Variants in OC90 observed in about 807,000 individuals in gnomAD.
The protein encoded by OC90 is otoconin-90.
A neutral mutation model predicts 47.3 loss-of-function variants in OC90; 46 were observed. That is an observed-to-expected ratio of 0.97 (90% confidence interval 0.77 to 1.24). OC90 has a LOEUF of 1.24. Ranked by LOEUF, OC90 falls within the 50% of genes most tolerant of loss-of-function variation. The pLI is 0.00. For synonymous variants in OC90, 271 were observed against 219.5 expected, an observed-to-expected ratio of 1.23 and a Z score of -2.07; for missense variants, 688 against 583.9, an observed-to-expected ratio of 1.18 and a Z score of -1.84.
chr8:132,053,226 T>C (rs927765356), intron 2 of OC90, among the ~76,000 whole-genome samples: 1 of 152,176 alleles, frequency 6.6e-6, no homozygotes, highest in African/African-American at 2.4e-5. Context: ...CAGACATCCT[T>C]CTCTCATTGC....
chr8:132,024,494 A>G lies in OC90; in HGVS notation c.1421T>C (p.Leu474Pro), dbSNP rs758639553. ...TTCTCTGGGCATCTATCTTCCATGAAGAGGCCCGATCCCCAAGGGACCCAG... is the reference window on the plus strand; with the variant it reads ...TTCTCTGGGCATCTATCTTCCATGAGGAGGCCCGATCCCCAAGGGACCCAG... ...KSLGPLGIGP[L>P]HGR is the part of the protein sequence containing the mutation. The change falls in exon 14 of 14, where the codon CTT becomes CCT. Residue 474 changes from leucine to proline, a missense_variant. Leu to Pro is a moderately conservative substitution (Grantham distance 98). Transcript: ENST00000254627. 2 of 1,555,202 alleles carry G rather than the reference A, an allele frequency of 1.3e-6. No homozygotes were observed. The highest frequency in any genetic ancestry group is 1.7e-6 in the Non-Finnish European group (2 of 1,149,770).
At chr8:132,048,546 T>C (rs1823168184) in intron 2 of OC90, among the ~76,000 whole-genome samples, 1 of 151,438 alleles carries the variant, frequency 6.6e-6, no homozygotes, top group African/African-American at 2.5e-5. Context: ...AAAACCCTTG[T>C]CCTCTAATGA....
intron 6 of OC90, among the ~76,000 whole-genome samples, chr8:132,040,521 T>C (rs1395232779): frequency 1.3e-5 from 2 of 152,186 alleles, no homozygotes; most frequent in Admixed American, 1.3e-4. Context: ...TTTGAACCTA[T>C]GTGTTTCTGA....
chr8:132,029,234 C>T lies in OC90; in HGVS notation c.1032-55G>A. On this transcript the variant is annotated intron_variant, in intron 12 of 13. Coordinates refer to ENST00000254627, the MANE Select transcript of OC90 (RefSeq NM_001080399.3). ...AGAGCTCCTGGCTTCCCTAGGAACC[C>T]CCTCAAGCACAGCCTGCTTCTCCCA... 3 of 1,354,336 alleles carry T rather than the reference C, an allele frequency of 2.2e-6. No homozygotes were observed. In the Admixed American group the frequency reaches 5.0e-5, roughly 23 times the overall value. The allele number at this position is 1,354,336 out of a possible 1,614,324, so 83.9% of individuals were successfully genotyped here.
At chr8:132,042,719 A>G (rs1260945212) in intron 4 of OC90, among the ~76,000 whole-genome samples, 1 of 152,234 alleles carries the variant, frequency 6.6e-6, no homozygotes, top group Non-Finnish European at 1.5e-5. Context: ...ACAACGAGAC[A>G]CCATCTCACA....
chr8:132,025,103 T>C (rs1206380124), intron 13 of OC90, among the ~76,000 whole-genome samples: 2 of 152,242 alleles, frequency 1.3e-5, no homozygotes, highest in Non-Finnish European at 2.9e-5. Context: ...TGTTTTTTTC[T>C]ATCACTGCAG....
chr8:132,035,448 G>A (rs1822943807), intron 9 of OC90, among the ~76,000 whole-genome samples: 1 of 152,166 alleles, frequency 6.6e-6, no homozygotes, highest in Non-Finnish European at 1.5e-5. Context: ...CTAGGAGGCG[G>A]CTGCAAACCC....
intron 2 of OC90, 106 bp from the exon 3 acceptor site, chr8:132,045,989 A>G: frequency 1.4e-6 from 1 of 695,288 alleles, no homozygotes; most frequent in Non-Finnish European, 2.6e-6. Context: ...GAATTCACAT[A>G]AATTCAATTC....
chr8:132,032,085 G>T, intron 11 of OC90, 33 bp from the exon 12 acceptor site: 1 of 1,601,224 alleles, frequency 6.2e-7, no homozygotes, highest in South Asian at 1.1e-5. Context: ...GGAGAGCAAG[G>T]ACTGTCGGGG....
In OC90 at chr8:132,024,889, C is replaced by A. The variant is rs1221271251; in HGVS notation, c.1139-113G>T. 7 of 859,044 alleles carry A rather than the reference C, an allele frequency of 8.1e-6. No individual in the cohort carries two copies. The East Asian group carries it at 1.9e-4, about 23-fold the overall frequency. The allele number at this position is 859,044 out of a possible 1,614,324, so 53.2% of individuals were successfully genotyped here. On this transcript the variant is annotated intron_variant, in intron 13 of 13. Coordinates refer to ENST00000254627, the MANE Select transcript of OC90 (RefSeq NM_001080399.3). ...CTCCTTCCTCCCCATCTTCCACACACCTTCAGGGTATCCACCTTATATGGC... is the reference window on the plus strand; with the variant it reads ...CTCCTTCCTCCCCATCTTCCACACAACTTCAGGGTATCCACCTTATATGGC...
In OC90 at chr8:132,055,040, A is replaced by G; in HGVS notation, c.-14T>C. 2.3e-5 allele frequency: 36 copies of G among 1,551,040 alleles called. No individual in the cohort carries two copies. Among genetic ancestry groups the G allele is most frequent in the Non-Finnish European group, 3.1e-5 (36 of 1,146,474 alleles). Reference sequence around the variant, plus strand: ...AAACGCAATCATAGCAGGAGAACAAAGGATGGGGCTTAGGCAGCAACTGGA... The same window carrying G: ...AAACGCAATCATAGCAGGAGAACAAGGGATGGGGCTTAGGCAGCAACTGGA... On this transcript the variant is annotated 5_prime_UTR_variant, in exon 2 of 14. Coordinates refer to ENST00000254627, the MANE Select transcript of OC90 (RefSeq NM_001080399.3).
At chr8:132,039,768 G>C (rs1235498215) in intron 6 of OC90, among the ~76,000 whole-genome samples, 2 of 152,090 alleles carry the variant, frequency 1.3e-5, no homozygotes, top group South Asian at 4.1e-4. Flanking sequence ...CTGTTCCTCT[G>C]TCTGCTTTGC....
intron 13 of OC90, among the ~76,000 whole-genome samples, chr8:132,025,818 A>T (rs1822749079): frequency 6.6e-6 from 1 of 152,138 alleles, no homozygotes; most frequent in Admixed American, 6.5e-5. Context: ...GCCTGTCTGG[A>T]TTTGCTGCCA....
chr8:132,055,748 G>A (rs73353119), intron 1 of OC90, among the ~76,000 whole-genome samples: 8,207 of 152,196 alleles, frequency 0.054, 269 homozygotes, highest in Non-Finnish European at 0.061. Flanking sequence ...GATACTCCTC[G>A]GAGGATGCTT....
chr8:132,042,668 A>G (rs1165927730), intron 4 of OC90, among the ~76,000 whole-genome samples: 3 of 152,200 alleles, frequency 2.0e-5, no homozygotes, highest in Admixed American at 6.5e-5. Context: ...ACTTAGGATA[A>G]TGGCCTCAAA....
At chr8:132,044,516 G>GA in intron 3 of OC90, 27 bp from the exon 4 acceptor site, 2 of 1,358,448 alleles carry the variant, frequency 1.5e-6, no homozygotes, top group Non-Finnish European at 2.1e-6. Context: ...AAACAAATGA[G>GA]AGTCTTGGTT....
intron 2 of OC90, among the ~76,000 whole-genome samples, chr8:132,054,532 T>A (rs1163152160): frequency 6.6e-6 from 1 of 152,148 alleles, no homozygotes; most frequent in Non-Finnish European, 1.5e-5. Flanking sequence ...AATTGGCGAA[T>A]ATGTTGGGCA....
Position 132,024,447 on chromosome 8 carries a change from G to T in OC90, c.*34C>A. 1 of 1,481,240 alleles carries T rather than the reference G, an allele frequency of 6.8e-7. No homozygotes were observed. Among genetic ancestry groups the T allele is most frequent in the Non-Finnish European group, 9.1e-7 (1 of 1,101,224 alleles). The allele number at this position is 1,481,240 out of a possible 1,614,324, so 91.8% of individuals were successfully genotyped here. A position where few individuals can be genotyped will look rare whatever the true frequency, so the allele number is the denominator to read the frequency against. ...GAGCTGAAGGTGGAGCAGGAGCCAC[G>T]CTACTGAAGGTGTTAGCCATTTTCT... is the stretch of plus-strand genomic sequence containing the variant. On this transcript the variant is annotated 3_prime_UTR_variant, in exon 14 of 14. Coordinates refer to ENST00000254627, the MANE Select transcript of OC90 (RefSeq NM_001080399.3).
chr8:132,054,226 C>T (rs1823252611), intron 2 of OC90, among the ~76,000 whole-genome samples: 1 of 152,176 alleles, frequency 6.6e-6, no homozygotes, highest in South Asian at 2.1e-4. Context: ...TCCTGGGGCA[C>T]ACAGGACTCC....
Sources: allele counts gnomAD v4.1 joint callset (sites outside exome capture counted in the v4.1 genomes callset), GRCh38; gene constraint gnomAD v4.1.1; transcripts MANE v1.5; gene names NCBI Gene and HGNC (gene_info 2026-07-23, HGNC 2026-07-21).